Variants in GRM1 observed in about 807,000 individuals in gnomAD.
The protein encoded by GRM1 is glutamate metabotropic receptor 1.
GRM1 carries 33 observed loss-of-function variants against 90.9 expected under a neutral mutation model. That is an observed-to-expected ratio of 0.36 (90% CI 0.28 to 0.49). The LOEUF is 0.49. Among genes scored for constraint, GRM1 ranks in the 20% least tolerant of loss-of-function variants. The pLI, the probability that GRM1 is intolerant of heterozygous loss-of-function variation, is 0.99. For synonymous variants in GRM1, 700 were observed against 613.2 expected (o/e 1.14, Z -2.09); for missense variants, 1,190 against 1,534.3 (o/e 0.78, Z 3.75).
intron 1 of GRM1, among the ~76,000 whole-genome samples, chr6:146,079,411 C>T (rs756290352): frequency 2.6e-5 from 4 of 152,166 alleles, no homozygotes; most frequent in African/African-American, 4.8e-5. Flanking sequence ...AAAGGGGGTA[C>T]TCTGCCAAAG....
chr6:146,056,390 T>C (rs1775480676), intron 1 of GRM1, among the ~76,000 whole-genome samples: 1 of 152,100 alleles, frequency 6.6e-6, no homozygotes, highest in Non-Finnish European at 1.5e-5. Flanking sequence ...TCAGAAATTG[T>C]ATGTGAAACG....
chr6:146,115,726 A>G (rs1347902466), intron 1 of GRM1, among the ~76,000 whole-genome samples: 1 of 152,126 alleles, frequency 6.6e-6, no homozygotes, highest in Admixed American at 6.6e-5. Flanking sequence ...AGTATTTTAC[A>G]TTGATTTATT....
chr6:146,283,548 G>T (rs1401069646), intron 2 of GRM1, among the ~76,000 whole-genome samples: 1 of 152,156 alleles, frequency 6.6e-6, no homozygotes, highest in East Asian at 1.9e-4. Context: ...AAGAACTTTG[G>T]ATTGGCCTGT....
At chr6:146,221,876 T>A (rs1183635952) in intron 2 of GRM1, among the ~76,000 whole-genome samples, 1 of 152,192 alleles carries the variant, frequency 6.6e-6, no homozygotes, top group Non-Finnish European at 1.5e-5. Flanking sequence ...TTACAGACAT[T>A]GAAATTTGTA....
chr6:146,150,693 C>G (rs1320812961), intron 1 of GRM1, among the ~76,000 whole-genome samples: 1 of 151,878 alleles, frequency 6.6e-6, no homozygotes, highest in African/African-American at 2.4e-5. Flanking sequence ...TTAACCAACC[C>G]CTCTTTATCT....
At chr6:146,055,260 A>T (rs1775444747) in intron 1 of GRM1, among the ~76,000 whole-genome samples, 1 of 152,138 alleles carries the variant, frequency 6.6e-6, no homozygotes, top group Non-Finnish European at 1.5e-5. Flanking sequence ...TGCTTCTAGC[A>T]TAATATTATG....
chr6:146,158,572 G>C (rs1172128173), intron 1 of GRM1, among the ~76,000 whole-genome samples: 1 of 152,134 alleles, frequency 6.6e-6, no homozygotes, highest in Non-Finnish European at 1.5e-5. Flanking sequence ...CCACATACAA[G>C]TGAAAATCCT....
intron 1 of GRM1, among the ~76,000 whole-genome samples, chr6:146,075,448 G>A (rs1190847343): frequency 6.6e-6 from 1 of 152,190 alleles, no homozygotes; most frequent in African/African-American, 2.4e-5. Context: ...ATGATATTTT[G>A]TATGCTAAAT....
At chr6:146,396,460 T>G (rs362930) in intron 6 of GRM1, among the ~76,000 whole-genome samples, 7,367 of 152,260 alleles carry the variant, frequency 0.048, 258 homozygotes, top group African/African-American at 0.093. Flanking sequence ...TTTGGCAAAT[T>G]GGTTATCAAT....
At chr6:146,319,197 T>C (rs914376160) in intron 3 of GRM1, among the ~76,000 whole-genome samples, 2 of 152,190 alleles carry the variant, frequency 1.3e-5, no homozygotes, top group Non-Finnish European at 2.9e-5. Flanking sequence ...GGGTCCAGTT[T>C]TCCCAACACA....
chr6:146,143,805 G>A (rs1328881334), intron 1 of GRM1, among the ~76,000 whole-genome samples: 2 of 152,142 alleles, frequency 1.3e-5, no homozygotes, highest in Non-Finnish European at 2.9e-5. Context: ...ATGAAAGAGT[G>A]CTGATTCATA....
chr6:146,043,654 T>A (rs2128842798), intron 1 of GRM1, among the ~76,000 whole-genome samples: 1 of 151,608 alleles, frequency 6.6e-6, no homozygotes, highest in East Asian at 1.9e-4. Context: ...AAATTAATGC[T>A]CAATCACAGA....
chr6:146,372,799 A>G (rs964296301), intron 5 of GRM1, among the ~76,000 whole-genome samples: 16 of 152,024 alleles, frequency 1.1e-4, no homozygotes, highest in African/African-American at 3.6e-4. Context: ...TGGATTCTCT[A>G]TTCTGATGAA....
chr6:146,285,608 G>A (rs560634968), intron 2 of GRM1, among the ~76,000 whole-genome samples: 2 of 152,246 alleles, frequency 1.3e-5, no homozygotes, highest in South Asian at 4.2e-4. Context: ...GACCCTGAAA[G>A]CTATGCTATT....
intron 1 of GRM1, among the ~76,000 whole-genome samples, chr6:146,102,896 A>G (rs1001295787): frequency 1.3e-5 from 2 of 152,206 alleles, no homozygotes; most frequent in African/African-American, 2.4e-5. Context: ...TTCTTTTTCA[A>G]TGTTCACAAA....
chr6:146,085,242 A>G (rs17075662), intron 1 of GRM1, among the ~76,000 whole-genome samples: 9,649 of 152,158 alleles, frequency 0.063, 403 homozygotes, highest in East Asian at 0.15. Context: ...GTTTAAATAC[A>G]TTATAAATAA....
At chr6:146,216,476 G>T (rs746633685) in intron 2 of GRM1, among the ~76,000 whole-genome samples, 10 of 152,088 alleles carry the variant, frequency 6.6e-5, no homozygotes, top group Non-Finnish European at 1.2e-4. Context: ...GACCTACATT[G>T]TCATCTTCTT....
Position 146,434,932 on chromosome 6 carries a change from CGCTACTGCTGCTGCT to C in GRM1, c.*139_*153del. The C allele has an allele frequency of 1.3e-6, 1 of 766,554 alleles. No individual in the cohort carries two copies. 47.5% of individuals were successfully genotyped at this position (766,554 alleles called of 1,614,324 possible). A position where few individuals can be genotyped will look rare whatever the true frequency, so the allele number is the denominator to read the frequency against. On this transcript the variant is annotated 3_prime_UTR_variant, in exon 8 of 8. Coordinates refer to ENST00000282753, the MANE Select transcript of GRM1 (RefSeq NM_001278064.2). The stretch of plus-strand genomic sequence containing the variant: ...GACAGGAGACCGCTGCTGCTGCTGC[CGCTACTGCTGCTGCT>C]GCCTTAAGTAGGAAGAGAGGGAAGG...
intron 2 of GRM1, among the ~76,000 whole-genome samples, chr6:146,270,678 A>G (rs145350487): frequency 1.3e-5 from 2 of 152,288 alleles, no homozygotes; most frequent in East Asian, 3.9e-4. Context: ...TGACCAAGAA[A>G]AAATTAACTG....
Sources: allele counts gnomAD v4.1 joint callset (sites outside exome capture counted in the v4.1 genomes callset), GRCh38; gene constraint gnomAD v4.1.1; transcripts MANE v1.5; gene names NCBI Gene and HGNC (gene_info 2026-07-23, HGNC 2026-07-21).